The following CFD variants were observed in gnomAD, a reference collection of about 807,000 sequenced individuals.
The protein encoded by CFD is complement factor D, also known as C3 convertase activator.
In CFD, 24 loss-of-function variants were observed where a neutral mutation model predicts 21.1. The ratio of observed to expected loss-of-function variants is 1.14; its 90% CI spans 0.82 to 1.60. CFD has a LOEUF of 1.60. CFD is among the 40% of genes most tolerant of loss of function. The pLI is 0.00. For synonymous variants in CFD, 242 were observed against 175.9 expected (o/e 1.38, Z -2.97); for missense variants, 535 against 383.3 (o/e 1.40, Z -3.31).
In CFD at chr19:861,750, C is replaced by T. The variant is rs139666945; in HGVS notation, c.409C>T (p.Arg137Cys). 6.5e-5 allele frequency: 104 copies of T among 1,605,108 alleles called. No individual in the cohort carries two copies. The African/African-American group carries it at 1.3e-3, about 19-fold the overall frequency. ...GPAVRPLPWQ[R>C]VDRDVAPGTL... The stretch of plus-strand genomic sequence containing the variant: ...TGCTGTGCGCCCCCTGCCCTGGCAG[C>T]GCGTGGACCGCGACGTGGCACCGGG... Residue 137 changes from arginine to cysteine, a missense_variant, in exon 4 of 5, where the codon CGC (arginine) becomes TGC (cysteine). Physicochemically the swap from Arg to Cys is radical, Grantham distance 180 (BLOSUM62 -3). Transcript: ENST00000327726.
At position 863,608 on chromosome 19, in the gene CFD, C is replaced by CAAAA. The variant is rs1005923420; in HGVS notation, c.*383_*386dup. 3 of 110,946 alleles carry CAAAA rather than the reference C, an allele frequency of 2.7e-5. No homozygotes were observed. Among genetic ancestry groups the CAAAA allele is most frequent in the Non-Finnish European group, 5.7e-5 (3 of 52,926 alleles). The allele number at this position is 110,946 out of a possible 1,614,324, so 6.9% of individuals were successfully genotyped here. ...CAGAGTGAAACCTTGTCTCTCTCTA[C>CAAAA]AAAAAAAAAAAAAAAATTCTGCGTG... On this transcript the variant is annotated 3_prime_UTR_variant, in exon 5 of 5. Coordinates refer to ENST00000327726, the MANE Select transcript of CFD (RefSeq NM_001928.4).
At chr19:860,469 G>C (rs1599299645) in intron 1 of CFD, 148 bp from the exon 2 acceptor site, 1 of 363,508 alleles carries the variant, frequency 2.8e-6, no homozygotes, top group South Asian at 3.2e-5. Context: ...GCTTCACAAA[G>C]TGCTGGGATT....
intron 1 of CFD, 130 bp from the exon 2 acceptor site, chr19:860,487 T>G: frequency 6.5e-6 from 4 of 618,584 alleles, no homozygotes; most frequent in African/African-American, 2.1e-5. Flanking sequence ...ATTACAGGCG[T>G]GAGCCACCGC....
At position 863,107 on chromosome 19, in the gene CFD, C is replaced by A; in HGVS notation, c.631C>A (p.Pro211Thr). The change falls in exon 5 of 5, where the codon CCG becomes ACG. Residue 211 changes from proline (P) to threonine (T), a missense_variant. Coordinates refer to ENST00000327726, the MANE Select transcript of CFD (RefSeq NM_001928.4). ...RDSCKGDSGG[P>T]LVCGGVLEGV... The stretch of plus-strand genomic sequence containing the variant: ...GTTCCGGCAGGGTGACTCCGGGGGC[C>A]CGCTGGTGTGCGGGGGCGTGCTCGA... 1 of 1,526,238 alleles carries A rather than the reference C, an allele frequency of 6.6e-7. No homozygotes were observed. The highest frequency in any genetic ancestry group is 1.4e-5 in the African/African-American group (1 of 72,836). The allele number at this position is 1,526,238 out of a possible 1,614,324, so 94.5% of individuals were successfully genotyped here.
In CFD at chr19:861,976, A is replaced by T. The variant is rs1324401358; in HGVS notation, c.615+20A>T. 6.5e-7 allele frequency: 1 copy of T among 1,534,296 alleles called. No individual in the cohort carries two copies. The highest frequency in any genetic ancestry group is 2.0e-4 in the Middle Eastern group (1 of 5,066). On this transcript the variant is annotated intron_variant, in intron 4 of 4. Transcript: ENST00000327726. Reference sequence around the variant, plus strand: ...TGCAAGGTGAGCCTTCAGGCCTGGGAGGAGACGCGGGGCCTGCAGGCCCCG... The same window carrying T: ...TGCAAGGTGAGCCTTCAGGCCTGGGTGGAGACGCGGGGCCTGCAGGCCCCG...
At chr19:862,478 GGGGGCGGGCACGTGGAGGAA>G (rs1340374573) in intron 4 of CFD, among the ~76,000 whole-genome samples, 5 of 143,354 alleles carry the variant, frequency 3.5e-5, no homozygotes, top group African/African-American at 5.2e-5. Flanking sequence ...GGGAGGTATA[GGGGGCGGGCACGTGGAGGAA>G]GGGGCGGGGC....
intron 4 of CFD, among the ~76,000 whole-genome samples, 189 bp from the exon 5 acceptor site, chr19:862,903 G>T (rs1224121150): frequency 6.6e-6 from 1 of 152,146 alleles, no homozygotes; most frequent in Non-Finnish European, 1.5e-5. Context: ...CGGGCCTAGA[G>T]GGGCGTGGCT....
In CFD at chr19:860,792, C is replaced by A; in HGVS notation, c.212+19C>A. ...AGGACGCGTGAGTGCCCGCGCCGCGCGGGGGAAGAGCCCGGGTGCGGTGGG... is the reference window on the plus strand; with the variant it reads ...AGGACGCGTGAGTGCCCGCGCCGCGAGGGGGAAGAGCCCGGGTGCGGTGGG... On this transcript the variant is annotated intron_variant, in intron 2 of 4. Coordinates refer to ENST00000327726, the MANE Select transcript of CFD (RefSeq NM_001928.4). The A allele has an allele frequency of 6.4e-7, 1 of 1,559,712 alleles. No homozygotes were observed. The highest frequency in any genetic ancestry group is 1.4e-5 in the African/African-American group (1 of 73,856).
Position 860,893 on chromosome 19 carries a change from C to T in CFD, c.245C>T (p.Ala82Val), listed in dbSNP as rs769507232. The T allele has an allele frequency of 6.9e-6, 11 of 1,587,092 alleles. No individual in the cohort carries two copies. Among genetic ancestry groups the T allele is most frequent in the Non-Finnish European group, 7.7e-6 (9 of 1,172,508 alleles). ...ADGKVQVLLG[A>V]HSLSQPEPSK... is the part of the protein sequence containing the mutation. The stretch of plus-strand genomic sequence containing the variant: ...GGGAAGGTGCAGGTTCTCCTGGGCG[C>T]GCACTCCCTGTCGCAGCCGGAGCCC... The change falls in exon 3 of 5, where the codon GCG (alanine) becomes GTG (valine). Residue 82 changes from alanine (A) to valine (V), a missense_variant. By Grantham distance (64) the Ala-to-Val change is moderately conservative (BLOSUM62 0). Coordinates refer to ENST00000327726, the MANE Select transcript of CFD (RefSeq NM_001928.4).
In CFD at chr19:860,972, C is replaced by T. The variant is rs758730747; in HGVS notation, c.324C>T (p.Pro108=). Residue 108 remains proline, a synonymous_variant, in exon 3 of 5, where the codon CCC becomes CCT. Transcript: ENST00000327726. ...LRAVPHPDSQ[P]DTIDHDLLLL... ...CAGTGCCCCACCCGGACAGCCAGCC[C>T]GACACCATCGACCACGACCTCCTGC... 1 of 1,599,628 alleles carries T rather than the reference C, an allele frequency of 6.3e-7. No homozygotes were observed. The highest frequency in any genetic ancestry group is 8.5e-7 in the Non-Finnish European group (1 of 1,179,522).
At chr19:862,088 G>T (rs2035806021) in intron 4 of CFD, 132 bp downstream of exon 4, 6 of 1,357,076 alleles carry the variant, frequency 4.4e-6, no homozygotes, top group Non-Finnish European at 5.8e-6. Flanking sequence ...GGCGGGAACT[G>T]GAAGATGGGC....
At chr19:861,992 G>A (rs775678644) in intron 4 of CFD, 36 bp downstream of exon 4, 20 of 1,516,124 alleles carry the variant, frequency 1.3e-5, no homozygotes, top group Non-Finnish European at 1.5e-5. Context: ...CGCGGGGCCT[G>A]CAGGCCCCGG....
Position 860,604 on chromosome 19 carries a change from C to A in CFD, c.56-13C>A. On this transcript the variant is annotated splice_polypyrimidine_tract_variant and intron_variant, in intron 1 of 4. Coordinates refer to ENST00000327726, the MANE Select transcript of CFD (RefSeq NM_001928.4). ...GTCCACCCCGCGGCCCTCACGCGCC[C>A]GCCCACCCACAGCGGCGCCGCCCCG... 7.0e-7 allele frequency: 1 copy of A among 1,427,990 alleles called. No individual in the cohort carries two copies. Among genetic ancestry groups the A allele is most frequent in the Non-Finnish European group, 9.1e-7 (1 of 1,098,468 alleles). 88.5% of individuals were successfully genotyped at this position (1,427,990 alleles called of 1,614,324 possible). A position where few individuals can be genotyped will look rare whatever the true frequency, so the allele number is the denominator to read the frequency against.
chr19:859,796 G>A (rs1379286571), intron 1 of CFD, 52 bp downstream of exon 1: 15 of 1,403,938 alleles, frequency 1.1e-5, no homozygotes, highest in Non-Finnish European at 1.5e-5. Context: ...GGGGCGTGGT[G>A]CTCCCTTCCG....
rs529179395 is a variant in CFD, at chr19:861,540, A to G, written c.358-159A>G. Among the ~76,000 whole-genome samples, 259 of 100,178 alleles carry G rather than the reference A, an allele frequency of 2.6e-3. 4 individuals carry two copies. Among genetic ancestry groups the G allele is most frequent in the African/African-American group, 9.5e-3 (241 of 25,360 alleles). 65.7% of individuals were successfully genotyped at this position (100,178 alleles called of 152,430 possible). A position where few individuals can be genotyped will look rare whatever the true frequency, so the allele number is the denominator to read the frequency against. ...TCGCACCCACCCCATCCCCACCTGC[A>G]CCCCCACCCAGGGTCTAGCCTAAAT... is the stretch of plus-strand genomic sequence containing the variant. On this transcript the variant is annotated intron_variant, in intron 3 of 4. Coordinates refer to ENST00000327726, the MANE Select transcript of CFD (RefSeq NM_001928.4).
At position 863,214 on chromosome 19, in the gene CFD, C is replaced by G. The variant is rs772161967; in HGVS notation, c.738C>G (p.Ala246=). The stretch of plus-strand genomic sequence containing the variant: ...ACACCCGCGTGGCGAGCTATGCGGC[C>G]TGGATCGACAGCGTCCTGGCCTAGG... ...GIYTRVASYA[A]WIDSVLA is the part of the protein sequence containing the mutation. Residue 246 remains alanine, a synonymous_variant, in exon 5 of 5, where the codon GCC becomes GCG. Coordinates refer to ENST00000327726, the MANE Select transcript of CFD (RefSeq NM_001928.4). The G allele has an allele frequency of 3.9e-6, 6 of 1,543,974 alleles. No homozygotes were observed. The African/African-American group carries it at 5.4e-5, about 14-fold the overall frequency.
Position 861,743 on chromosome 19 carries a change from C to G in CFD, c.402C>G (p.Pro134=). Residue 134 remains proline, a synonymous_variant, in exon 4 of 5, where the codon CCC becomes CCG. Coordinates refer to ENST00000327726, the MANE Select transcript of CFD (RefSeq NM_001928.4). Reference sequence around the variant, plus strand: ...TGGGCCCTGCTGTGCGCCCCCTGCCCTGGCAGCGCGTGGACCGCGACGTGG... The same window carrying G: ...TGGGCCCTGCTGTGCGCCCCCTGCCGTGGCAGCGCGTGGACCGCGACGTGG... ...ATLGPAVRPL[P]WQRVDRDVAP... The G allele has an allele frequency of 6.2e-7, 1 of 1,605,468 alleles. No homozygotes were observed. The highest frequency in any genetic ancestry group is 8.5e-7 in the Non-Finnish European group (1 of 1,177,918).
At chr19:861,634 C>T in intron 3 of CFD, 65 bp from the exon 4 acceptor site, 1 of 1,537,498 alleles carries the variant, frequency 6.5e-7, no homozygotes, top group South Asian at 1.2e-5. Flanking sequence ...CTCCCCGAGC[C>T]TAGCGGCATT....
rs904248697 is a variant in CFD at position 859,895 on chromosome 19, T to C, written c.55+151T>C. 4.8e-6 allele frequency: 3 copies of C among 620,352 alleles called. No individual in the cohort carries two copies. In the African/African-American group the frequency reaches 5.6e-5, roughly 11 times the overall value. 38.4% of individuals were successfully genotyped at this position (620,352 alleles called of 1,614,324 possible). On this transcript the variant is annotated intron_variant, in intron 1 of 4. Transcript: ENST00000327726. ...GAAGGCTCTGAACGCTGAAAAATTC[T>C]AGAAAATTCAGATTGGAAATCGGAA...
Sources: gnomAD v4.1 joint callset for allele counts (sites outside exome capture counted in the v4.1 genomes callset) on GRCh38, gnomAD v4.1.1 for gene constraint, MANE v1.5 for transcripts, NCBI Gene and HGNC (gene_info 2026-07-23, HGNC 2026-07-21) for gene names.